TNNI1: variants seen among roughly 807,000 people sequenced by gnomAD.
TNNI1 encodes troponin I1, slow skeletal type.
In TNNI1, 14 loss-of-function variants were observed where a neutral mutation model predicts 26.7. The observed-to-expected ratio is 0.52, with a 90% confidence interval of 0.35 to 0.82. The LOEUF (loss-of-function observed/expected upper bound fraction) is 0.82. Ranked by LOEUF, TNNI1 falls within the 40% of genes least tolerant of loss-of-function variation. The probability of loss-of-function intolerance (pLI) is 0.01; values close to 1 mark genes in which losing one functional copy is unlikely to be tolerated. For missense variants in TNNI1, 164 were observed against 257.0 expected, an observed-to-expected ratio of 0.64 and a Z score of 2.47; for synonymous variants, 79 against 98.2, an observed-to-expected ratio of 0.80 and a Z score of 1.16.
intron 2 of TNNI1, 141 bp from the exon 3 acceptor site, chr1:201,417,260 A>C: frequency 8.9e-7 from 1 of 1,122,798 alleles, no homozygotes; most frequent in African/African-American, 1.5e-5. Context: ...TGAGCCAGAA[A>C]GTCATCAGGC....
chr1:201,417,406 C>T (rs769398013), intron 2 of TNNI1, among the ~76,000 whole-genome samples: 1 of 152,146 alleles, frequency 6.6e-6, no homozygotes, highest in Non-Finnish European at 1.5e-5. Flanking sequence ...GGAGGGAAGC[C>T]TTAGCGTAGG....
Position 201,411,645 on chromosome 1 carries a change from C to T in TNNI1, c.280-112G>A. 8.5e-7 allele frequency: 1 copy of T among 1,171,706 alleles called. No individual in the cohort carries two copies. Among genetic ancestry groups the T allele is most frequent in the East Asian group, 3.0e-5 (1 of 33,120 alleles). The allele number at this position is 1,171,706 out of a possible 1,614,324, so 72.6% of individuals were successfully genotyped here. A position where few individuals can be genotyped will look rare whatever the true frequency, so the allele number is the denominator to read the frequency against. ...AGCCAGAGATACACCTTAAATTGTC[C>T]ACCCTTGAAGCCAGACCTATCAGCA... On this transcript the variant is annotated intron_variant, in intron 6 of 8. Transcript: ENST00000361379. The surrounding 1 kb of genome is among the most constrained non-coding windows in gnomAD (Gnocchi z 4.6).
At chr1:201,412,266 C>T (rs1662646808) in intron 6 of TNNI1, among the ~76,000 whole-genome samples, 2 of 152,152 alleles carry the variant, frequency 1.3e-5, no homozygotes, top group South Asian at 2.1e-4. Flanking sequence ...CAGCTCACAG[C>T]CTTGGTCCAG....
rs1179318521 is a variant in TNNI1, at chr1:201,404,238, C to T, written c.*5015G>A. ...GAAAAAAGACTCATAGGGCAGCTTC[C>T]CCTTTCTCGGACAGGACAGAGTGGA... On this transcript the variant is annotated 3_prime_UTR_variant, in exon 9 of 9. Coordinates refer to ENST00000361379, the MANE Select transcript of TNNI1 (RefSeq NM_003281.4). The T allele has an allele frequency of 6.6e-6, 1 of 152,186 alleles. No homozygotes were observed. Among genetic ancestry groups the T allele is most frequent in the Non-Finnish European group, 1.5e-5 (1 of 68,050 alleles). 9.4% of individuals were successfully genotyped at this position (152,186 alleles called of 1,614,324 possible).
At position 201,411,281 on chromosome 1, in the gene TNNI1, T is replaced by G; in HGVS notation, c.456+76A>C. 9 of 1,542,150 alleles carry G rather than the reference T, an allele frequency of 5.8e-6. No homozygotes were observed. The highest frequency in any genetic ancestry group is 1.2e-5 in the South Asian group (1 of 85,204). On this transcript the variant is annotated intron_variant, in intron 7 of 8. Coordinates refer to ENST00000361379, the MANE Select transcript of TNNI1 (RefSeq NM_003281.4). The surrounding 1 kb of genome is among the most constrained non-coding windows in gnomAD (Gnocchi z 4.6). The stretch of plus-strand genomic sequence containing the variant: ...TCCAACAGGAGCTCCTGGGCCAGCC[T>G]GAGGCCATGTGAGGGGTTGACAAGG...
In TNNI1 at chr1:201,417,504, G is replaced by A. The variant is rs149422454; in HGVS notation, c.11+279C>T. On this transcript the variant is annotated intron_variant, in intron 2 of 8. Transcript: ENST00000361379. ...CCTACTGCACCAGTGTTAAGTGGTG[G>A]CCTGGTACATGCAATTCATGTGATA... Among the ~76,000 whole-genome samples the A allele has an allele frequency of 4.0e-3, 606 of 152,264 alleles. 5 individuals are homozygous for A. Among genetic ancestry groups the A allele is most frequent in the African/African-American group, 0.014 (578 of 41,546 alleles).
chr1:201,418,467 CAAAAAAAAA>C (rs4019987), intron 1 of TNNI1, among the ~76,000 whole-genome samples: 4 of 102,048 alleles, frequency 3.9e-5, no homozygotes, highest in Non-Finnish European at 6.5e-5. Context: ...GTCTCCTTCT[CAAAAAAAAA>C]AAAAAAAAAA....
chr1:201,418,494 G>T (rs868256528), intron 1 of TNNI1, among the ~76,000 whole-genome samples: 51 of 151,454 alleles, frequency 3.4e-4, no homozygotes, highest in African/African-American at 1.1e-3. Flanking sequence ...AAATAAGTGA[G>T]AGTGTAGCTC....
chr1:201,420,113 T>C (rs1423323220), intron 1 of TNNI1, among the ~76,000 whole-genome samples: 1 of 152,206 alleles, frequency 6.6e-6, no homozygotes, highest in Non-Finnish European at 1.5e-5. Flanking sequence ...TGATCATGCC[T>C]CCCTGTCTCC....
In TNNI1 at chr1:201,414,553, G is replaced by C. The variant is rs756932579; in HGVS notation, c.154C>G (p.Leu52Val). Residue 52 changes from leucine (L) to valine (V), a missense_variant, in exon 5 of 9, where the codon CTG (leucine) becomes GTG (valine). Leu to Val is a conservative substitution (Grantham distance 32). Coordinates refer to ENST00000361379, the MANE Select transcript of TNNI1 (RefSeq NM_003281.4). ...VRYLAERIPT[L>V]QTRGLSLSAL... ...CTGAGGGACAGGCCACGGGTCTGCA[G>C]CGTGGGGATGCGCTCTGCCAGGTAG... 1.9e-6 allele frequency: 3 copies of C among 1,612,594 alleles called. No homozygotes were observed. The highest frequency in any genetic ancestry group is 2.5e-6 in the Non-Finnish European group (3 of 1,179,616).
intron 8 of TNNI1, chr1:201,409,967 G>C (rs1445320948): frequency 5.5e-6 from 1 of 182,056 alleles, no homozygotes; most frequent in African/African-American, 2.4e-5. Context: ...TAGAAGGCTG[G>C]CCTCACCCCA....
intron 8 of TNNI1, chr1:201,409,977 A>G (rs555214328): frequency 1.9e-4 from 36 of 189,560 alleles, no homozygotes; most frequent in African/African-American, 7.7e-4. Flanking sequence ...GCCTCACCCC[A>G]GAGTTTCCAA....
chr1:201,410,524 C>A (rs1032964954), intron 7 of TNNI1, 89 bp from the exon 8 acceptor site: 15 of 1,147,698 alleles, frequency 1.3e-5, no homozygotes, highest in Non-Finnish European at 1.7e-5. Context: ...AACCAGTCTC[C>A]TCGGATGATA....
intron 6 of TNNI1, among the ~76,000 whole-genome samples, chr1:201,412,095 T>TTAG (rs1184935368): frequency 6.6e-6 from 1 of 152,230 alleles, no homozygotes; most frequent in Non-Finnish European, 1.5e-5. Flanking sequence ...ATAAAGCCTA[T>TTAG]TAGCCGTTGC....
At chr1:201,412,968 G>T in intron 6 of TNNI1, 64 bp downstream of exon 6, 1 of 1,517,298 alleles carries the variant, frequency 6.6e-7, no homozygotes, top group Non-Finnish European at 9.1e-7. Flanking sequence ...CATGGCTGCT[G>T]CATCCGTGCC....
At chr1:201,417,552 G>C (rs556896697) in intron 2 of TNNI1, among the ~76,000 whole-genome samples, 1 of 152,276 alleles carries the variant, frequency 6.6e-6, no homozygotes, top group East Asian at 1.9e-4. Context: ...AAATCTCTGA[G>C]GCACAAGCCA....
chr1:201,417,840 AG>A (rs754671972), intron 1 of TNNI1, 28 bp from the exon 2 acceptor site: 1 of 1,312,050 alleles, frequency 7.6e-7, no homozygotes, highest in Admixed American at 3.1e-5. Flanking sequence ...ATCATTCATA[AG>A]GGAAAGTGGA....
intron 4 of TNNI1, among the ~76,000 whole-genome samples, 162 bp downstream of exon 4, chr1:201,415,051 C>G (rs1201954482): frequency 6.6e-6 from 1 of 152,238 alleles, no homozygotes; most frequent in Non-Finnish European, 1.5e-5. Context: ...ATCACCTGAG[C>G]CTGGCACTGG....
chr1:201,421,390 C>T (rs1456436963), intron 1 of TNNI1, among the ~76,000 whole-genome samples: 1 of 152,188 alleles, frequency 6.6e-6, no homozygotes, highest in Non-Finnish European at 1.5e-5. Flanking sequence ...AGGCTCTGCC[C>T]TGGGGCTCCT....
Sources: gnomAD v4.1 joint callset for allele counts (sites outside exome capture counted in the v4.1 genomes callset) on GRCh38, gnomAD v4.1.1 for gene constraint, Gnocchi (gnomAD v3.1) non-coding constraint, MANE v1.5 for transcripts, NCBI Gene and HGNC (gene_info 2026-07-23, HGNC 2026-07-21) for gene names.